PRDM6: variants seen among roughly 807,000 people sequenced by gnomAD.
The protein encoded by PRDM6 is PR/SET domain 6, also known as putative histone-lysine N-methyltransferase PRDM6.
A neutral mutation model predicts 60.8 loss-of-function variants in PRDM6; 25 were observed. That is an observed-to-expected ratio of 0.41 (90% CI 0.30 to 0.57). PRDM6 has a LOEUF of 0.57. Among genes scored for constraint, PRDM6 ranks in the 20% least tolerant of loss-of-function variants. The probability of loss-of-function intolerance (pLI) is 0.27; values close to 1 mark genes in which losing one functional copy is unlikely to be tolerated. For missense variants in PRDM6, 839 were observed against 821.3 expected (o/e 1.02, Z -0.26); for synonymous variants, 407 against 357.4 (o/e 1.14, Z -1.57).
At chr5:123,184,100 G>A (rs1462911125) in intron 7 of PRDM6, among the ~76,000 whole-genome samples, 2 of 152,146 alleles carry the variant, frequency 1.3e-5, no homozygotes, top group Non-Finnish European at 2.9e-5. Context: ...AATCCAAGAA[G>A]CAAATCAGTA....
chr5:123,166,726 A>G (rs926417165), intron 5 of PRDM6, among the ~76,000 whole-genome samples: 1 of 152,242 alleles, frequency 6.6e-6, no homozygotes, highest in Middle Eastern at 3.2e-3. Context: ...GACTGAATGA[A>G]TGAACGAGGA....
At chr5:123,177,505 T>C (rs1766044302) in intron 6 of PRDM6, among the ~76,000 whole-genome samples, 1 of 152,206 alleles carries the variant, frequency 6.6e-6, no homozygotes, top group Non-Finnish European at 1.5e-5. Context: ...CTTTTAGAGA[T>C]TAACTAAAAC....
In PRDM6 at chr5:123,192,159, A is replaced by G. The variant is rs1478226067; in HGVS notation, c.*4958A>G. 2 of 152,342 alleles carry G rather than the reference A, an allele frequency of 1.3e-5. No individual in the cohort carries two copies. Among genetic ancestry groups the G allele is most frequent in the Admixed American group, 1.3e-4 (2 of 15,300 alleles). 9.4% of individuals were successfully genotyped at this position (152,342 alleles called of 1,614,324 possible). The stretch of plus-strand genomic sequence containing the variant: ...CTTATTCCCACAGAGGTTGATGGGA[A>G]TGATGATGATTATAAATTATATTGT... On this transcript the variant is annotated 3_prime_UTR_variant, in exon 8 of 8. Coordinates refer to ENST00000407847, the MANE Select transcript of PRDM6 (RefSeq NM_001136239.4).
chr5:123,141,245 A>G (rs1311226791), intron 3 of PRDM6, among the ~76,000 whole-genome samples: 2 of 151,958 alleles, frequency 1.3e-5, no homozygotes, highest in African/African-American at 4.8e-5. Flanking sequence ...ATGTGCTGCA[A>G]TGAGATAGAT....
intron 3 of PRDM6, among the ~76,000 whole-genome samples, chr5:123,148,322 G>C (rs897355246): frequency 1.3e-5 from 2 of 152,048 alleles, no homozygotes; most frequent in African/African-American, 4.8e-5. Flanking sequence ...TTTATTACTT[G>C]ACCTTTGAAG....
intron 3 of PRDM6, among the ~76,000 whole-genome samples, chr5:123,126,012 G>C (rs955062310): frequency 2.6e-5 from 4 of 152,108 alleles, no homozygotes; most frequent in Admixed American, 6.5e-5. Context: ...GGGTGGGTTG[G>C]GGGGAGGGGA....
At chr5:123,145,462 CTCA>C (rs763918580) in intron 3 of PRDM6, among the ~76,000 whole-genome samples, 1 of 152,196 alleles carries the variant, frequency 6.6e-6, no homozygotes, top group African/African-American at 2.4e-5. Context: ...AAATTCAAGA[CTCA>C]TCGTTACTGT....
At chr5:123,168,902 T>TGTC (rs1375826207) in intron 5 of PRDM6, among the ~76,000 whole-genome samples, 1 of 152,262 alleles carries the variant, frequency 6.6e-6, no homozygotes, top group African/African-American at 2.4e-5. Context: ...GGCATCTCCC[T>TGTC]GTCCACTTGA....
At chr5:123,091,117 TGGG>T (rs1164279679) in intron 2 of PRDM6, among the ~76,000 whole-genome samples, 1 of 152,000 alleles carries the variant, frequency 6.6e-6, no homozygotes, top group Non-Finnish European at 1.5e-5. Context: ...CGCGGGGTTG[TGGG>T]GGAACCGGCG....
At chr5:123,110,946 A>T (rs1382185309) in intron 3 of PRDM6, among the ~76,000 whole-genome samples, 1 of 152,138 alleles carries the variant, frequency 6.6e-6, no homozygotes, top group African/African-American at 2.4e-5. Context: ...TGAGCCTCAC[A>T]TAATCCTAGA....
intron 6 of PRDM6, among the ~76,000 whole-genome samples, chr5:123,175,706 T>A (rs150760368): frequency 6.6e-6 from 1 of 152,164 alleles, no homozygotes; most frequent in Non-Finnish European, 1.5e-5. Flanking sequence ...CAAGGAGAGA[T>A]TGTGGCCCCA....
intron 3 of PRDM6, among the ~76,000 whole-genome samples, chr5:123,119,846 A>G (rs1488697512): frequency 6.6e-6 from 1 of 152,174 alleles, no homozygotes; most frequent in Admixed American, 6.6e-5. Context: ...CAAGCTAAGT[A>G]GACGCATTTT....
intron 2 of PRDM6, 114 bp downstream of exon 2, chr5:123,090,720 G>A (rs561448449): frequency 1.0e-5 from 3 of 297,978 alleles, no homozygotes; most frequent in South Asian, 7.7e-5. Flanking sequence ...CCGGGTGGGT[G>A]GGGAGCACCT....
At chr5:123,175,401 A>G (rs1765982130) in intron 6 of PRDM6, among the ~76,000 whole-genome samples, 1 of 152,200 alleles carries the variant, frequency 6.6e-6, no homozygotes, top group Non-Finnish European at 1.5e-5. Context: ...AAATGACATT[A>G]GAAGGGGCTC....
chr5:123,108,172 G>A (rs1410697187), intron 3 of PRDM6, among the ~76,000 whole-genome samples: 1 of 152,098 alleles, frequency 6.6e-6, no homozygotes, highest in African/African-American at 2.4e-5. Flanking sequence ...AAAATGAGCA[G>A]TGTTTTTCAC....
At chr5:123,139,638 C>G (rs1343365373) in intron 3 of PRDM6, among the ~76,000 whole-genome samples, 1 of 152,028 alleles carries the variant, frequency 6.6e-6, no homozygotes, top group Non-Finnish European at 1.5e-5. Flanking sequence ...ATGCAGGTGT[C>G]ACTCACTGTG....
rs1764043366 is a variant in PRDM6 at position 123,099,345 on chromosome 5, C to T, written c.593-309C>T. ...GAGAGACTGAAACGGGAGGAAGAAG[C>T]CTGGAACTGTCGGTTCCGTGGAGAG... On this transcript the variant is annotated intron_variant, in intron 2 of 7. Coordinates refer to ENST00000407847, the MANE Select transcript of PRDM6 (RefSeq NM_001136239.4). This position sits in a 1 kb window ranked among gnomAD's most constrained non-coding sequence, Gnocchi z 4.0. Among the ~76,000 whole-genome samples the T allele has an allele frequency of 6.6e-6, 1 of 152,128 alleles. No homozygotes were observed. Among genetic ancestry groups the T allele is most frequent in the Non-Finnish European group, 1.5e-5 (1 of 68,036 alleles).
intron 3 of PRDM6, among the ~76,000 whole-genome samples, chr5:123,143,184 G>GTGTGTGTGT (rs1765159148): frequency 9.1e-6 from 1 of 110,456 alleles, no homozygotes; most frequent in African/African-American, 3.1e-5. Flanking sequence ...TGTGTATGTG[G>GTGTGTGTGT]GTGTGTGTAT....
At position 123,171,054 on chromosome 5, in the gene PRDM6, C is replaced by T; in HGVS notation, c.1442C>T (p.Thr481Ile). 1 of 1,551,994 alleles carries T rather than the reference C, an allele frequency of 6.4e-7. No homozygotes were observed. Among genetic ancestry groups the T allele is most frequent in the African/African-American group, 1.4e-5 (1 of 73,174 alleles). ...TGGAAATGTGGGCAGTGCTTTAAGA[C>T]TTTCACCCAGCGGATCCTCTTACAG... ...HLWKCGQCFK[T>I]FTQRILLQMH... Residue 481 changes from threonine to isoleucine, a missense_variant, in exon 6 of 8, where the codon ACT becomes ATT. Thr to Ile is a moderately conservative substitution (Grantham distance 89, BLOSUM62 -1). Transcript: ENST00000407847.
Sources: allele counts gnomAD v4.1 joint callset (sites outside exome capture counted in the v4.1 genomes callset), GRCh38; gene constraint gnomAD v4.1.1; non-coding constraint Gnocchi (gnomAD v3.1); transcripts MANE v1.5; gene names NCBI Gene and HGNC (gene_info 2026-07-23, HGNC 2026-07-21).